Variants in ZNF680 observed in about 807,000 individuals in gnomAD.
ZNF680 encodes the protein zinc finger protein 680.
A neutral mutation model predicts 12.1 loss-of-function variants in ZNF680; 6 were observed. The ratio of observed to expected loss-of-function variants is 0.49; its 90% CI spans 0.27 to 0.98. The LOEUF is 0.98. ZNF680 is among the 50% of genes least tolerant of loss of function. The pLI is 0.12. For missense variants in ZNF680, 561 were observed against 616.3 expected (o/e 0.91, Z 0.95); for synonymous variants, 170 against 199.3 (o/e 0.85, Z 1.24).
Position 64,549,997 on chromosome 7 carries a change from A to G in ZNF680, c.31-5565T>C, listed in dbSNP as rs189367279. ...AGACTCCCTCTCAAAAAAAACAAAA[A>G]CAAAAAACTGAGGCAACATGAATAT... On this transcript the variant is annotated intron_variant, in intron 1 of 3. Coordinates refer to ENST00000309683, the MANE Select transcript of ZNF680 (RefSeq NM_178558.5). Among the ~76,000 whole-genome samples the G allele has an allele frequency of 1.6e-3, 247 of 152,282 alleles. 1 individual carries two copies. Among genetic ancestry groups the G allele is most frequent in the Middle Eastern group, 3.4e-3 (1 of 294 alleles).
chr7:64,504,099 TTC>T, the ZNF680 span, among the ~76,000 whole-genome samples: 2 of 152,240 alleles, frequency 1.3e-5, no homozygotes, highest in African/African-American at 2.4e-5. Context: ...TGTGAAGTTA[TTC>T]TGTCAATAGA....
At chr7:64,544,681 A>C (rs983263223) in intron 1 of ZNF680, among the ~76,000 whole-genome samples, 8 of 152,118 alleles carry the variant, frequency 5.3e-5, no homozygotes, top group African/African-American at 1.9e-4. Context: ...TACTTTTTTG[A>C]AGAAAAACTA....
At chr7:64,547,452 C>G (rs78598328) in intron 1 of ZNF680, among the ~76,000 whole-genome samples, 1 of 152,216 alleles carries the variant, frequency 6.6e-6, no homozygotes, top group Non-Finnish European at 1.5e-5. Context: ...TACACATGTA[C>G]TAGCGTAACG....
At chr7:64,515,797 A>G (rs553553063), downstream of ZNF680, among the ~76,000 whole-genome samples, 1 of 151,400 alleles carries the variant, frequency 6.6e-6, no homozygotes, top group Non-Finnish European at 1.5e-5. Flanking sequence ...TTGTGGGCAT[A>G]AACACAGTGG....
chr7:64,500,897 A>G, the ZNF680 span: 1 of 587,206 alleles, frequency 1.7e-6, no homozygotes, highest in Non-Finnish European at 3.3e-6. Context: ...AAATCTCAAC[A>G]CTCTTGTGGT....
intron 3 of ZNF680, among the ~76,000 whole-genome samples, chr7:64,532,167 T>C (rs527989206): frequency 2.6e-5 from 4 of 152,068 alleles, no homozygotes; most frequent in Non-Finnish European, 5.9e-5. Flanking sequence ...TAGCCGGGCA[T>C]GGTGGTGGGC....
At chr7:64,514,673 T>C in the ZNF680 span, among the ~76,000 whole-genome samples, 1 of 152,110 alleles carries the variant, frequency 6.6e-6, no homozygotes, top group Non-Finnish European at 1.5e-5. Context: ...TTTATAAATA[T>C]CAAGCAAAAC....
At chr7:64,529,472 T>A (rs183931387) in intron 3 of ZNF680, among the ~76,000 whole-genome samples, 31 of 151,846 alleles carry the variant, frequency 2.0e-4, no homozygotes, top group African/African-American at 7.5e-4. Flanking sequence ...GAAAAAACAA[T>A]CAAAACTTCA....
intron 1 of ZNF680, among the ~76,000 whole-genome samples, chr7:64,547,562 G>A (rs1230929833): frequency 6.6e-6 from 1 of 152,160 alleles, no homozygotes; most frequent in African/African-American, 2.4e-5. Context: ...GAGTTGGTAT[G>A]AGGTGTTCAA....
At chr7:64,531,989 T>G (rs1785909529) in intron 3 of ZNF680, among the ~76,000 whole-genome samples, 1 of 151,938 alleles carries the variant, frequency 6.6e-6, no homozygotes, top group Non-Finnish European at 1.5e-5. Flanking sequence ...AAAAGATAAA[T>G]GAAACAAAAA....
At chr7:64,510,711 C>A in the ZNF680 span, among the ~76,000 whole-genome samples, 1 of 133,346 alleles carries the variant, frequency 7.5e-6, no homozygotes, top group Non-Finnish European at 1.6e-5. Context: ...GAGATCGAGA[C>A]CATCCCGGCT....
chr7:64,525,741 TTAAATAG>T (rs1462888015), intron 3 of ZNF680: 1 of 914,722 alleles, frequency 1.1e-6, no homozygotes, highest in Admixed American at 6.2e-5. Flanking sequence ...TAAATTATCT[TTAAATAG>T]AAAAGTTTTT....
At position 64,543,792 on chromosome 7, in the gene ZNF680, G is replaced by A. The variant is rs374477557; in HGVS notation, c.168C>T (p.Val56=). ...YRNLVFLGIA[V]SKPHLITCLE... is the part of the protein sequence containing the mutation. The stretch of plus-strand genomic sequence containing the variant: ...AACAGGTTATCAGGTGAGGCTTAGA[G>A]ACAGCAATACCTGTTTTATTAAAAA... The change falls in exon 3 of 4, where the codon GTC becomes GTT. Residue 56 remains valine (V), a synonymous_variant. Coordinates refer to ENST00000309683, the MANE Select transcript of ZNF680 (RefSeq NM_178558.5). 67 of 1,612,886 alleles carry A rather than the reference G, an allele frequency of 4.2e-5. No homozygotes were observed. The highest frequency in any genetic ancestry group is 5.6e-5 in the Non-Finnish European group (66 of 1,179,456).
downstream of ZNF680, among the ~76,000 whole-genome samples, chr7:64,517,725 A>G (rs371003973): frequency 1.3e-5 from 2 of 152,126 alleles, no homozygotes; most frequent in East Asian, 3.9e-4. Context: ...CCAACAACAT[A>G]TCAAAAAGGT....
the ZNF680 span, among the ~76,000 whole-genome samples, chr7:64,514,022 CAAAT>C: frequency 3.3e-5 from 5 of 152,178 alleles, no homozygotes; most frequent in Non-Finnish European, 5.9e-5. Flanking sequence ...TTTAGCAAAA[CAAAT>C]AACTTACGGT....
At chr7:64,554,013 T>C (rs554143757) in intron 1 of ZNF680, among the ~76,000 whole-genome samples, 1 of 151,746 alleles carries the variant, frequency 6.6e-6, no homozygotes, top group East Asian at 2.0e-4. Context: ...CCACCCCGTC[T>C]AGGAAGTGAG....
chr7:64,558,232 G>A (rs961876813), intron 1 of ZNF680, among the ~76,000 whole-genome samples: 3 of 152,084 alleles, frequency 2.0e-5, no homozygotes, highest in African/African-American at 7.2e-5. Flanking sequence ...ATATGCAGGA[G>A]ACTATAAACA....
chr7:64,514,942 T>C (rs958443100), downstream of ZNF680, among the ~76,000 whole-genome samples: 1 of 151,596 alleles, frequency 6.6e-6, no homozygotes, highest in East Asian at 1.9e-4. Flanking sequence ...ACTTGGGAGG[T>C]TGAGGCAGGA....
intron 3 of ZNF680, chr7:64,526,335 CT>C: frequency 8.2e-7 from 1 of 1,224,162 alleles, no homozygotes; most frequent in Non-Finnish European, 1.0e-6. Context: ...AAAATAAAGA[CT>C]TTTCAAAATA....
Sources: gnomAD v4.1 joint callset for allele counts (sites outside exome capture counted in the v4.1 genomes callset) on GRCh38, gnomAD v4.1.1 for gene constraint, MANE v1.5 for transcripts, NCBI Gene and HGNC (gene_info 2026-07-23, HGNC 2026-07-21) for gene names.